The following FGFBP1 variants were observed in gnomAD, a reference collection of about 807,000 sequenced individuals.
The protein encoded by FGFBP1 is fibroblast growth factor-binding protein 1.
Under a neutral mutation model 14.6 loss-of-function variants are expected in FGFBP1, and 12 were observed. The observed-to-expected ratio is 0.82, with a 90% CI of 0.53 to 1.33. The LOEUF is 1.33. Ranked by LOEUF, FGFBP1 falls within the 40% of genes most tolerant of loss-of-function variation. The probability of loss-of-function intolerance (pLI) is 0.00; values close to 1 mark genes in which losing one functional copy is unlikely to be tolerated. For missense variants in FGFBP1, 317 were observed against 271.8 expected (o/e 1.17, Z -1.17); for synonymous variants, 117 against 105.0 (o/e 1.11, Z -0.70).
intron 2 of FGFBP1, 59 bp from the exon 3 acceptor site, chr4:15,936,711 C>T (rs1383030924): frequency 1.9e-6 from 2 of 1,039,640 alleles, no homozygotes; most frequent in Admixed American, 2.2e-5. Context: ...TGCAGGACTA[C>T]ACGCTGGCCT....
chr4:15,936,344 CA>C lies in FGFBP1; in HGVS notation c.288del (p.Phe96LeufsTer9), dbSNP rs1456342885. The stretch of plus-strand genomic sequence containing the variant: ...TTTAGGCATGAGGTTGGATTGCCAG[CA>C]AAGACACAGGAAAATTCATGGTCCA... ...TQLDHEFSCV[F>X]AGNPTSCLKL... is the part of the protein sequence containing the mutation. On this transcript the variant is annotated frameshift_variant, in exon 3 of 3. Transcript: ENST00000382333. LOFTEE classifies it high-confidence loss of function. 6.2e-7 allele frequency: 1 copy of C among 1,614,114 alleles called. No homozygotes were observed. Among genetic ancestry groups the C allele is most frequent in the African/African-American group, 1.3e-5 (1 of 74,938 alleles).
Position 15,935,880 on chromosome 4 carries a change from A to T in FGFBP1, c.*48T>A. On this transcript the variant is annotated 3_prime_UTR_variant, in exon 3 of 3. Transcript: ENST00000382333. The stretch of plus-strand genomic sequence containing the variant: ...AGAGAGCTTTAAAGTATACAGAGGG[A>T]CTTACGACATGACATCTCTTAAGGG... 8.0e-7 allele frequency: 1 copy of T among 1,257,204 alleles called. No homozygotes were observed. The highest frequency in any genetic ancestry group is 1.1e-6 in the Non-Finnish European group (1 of 893,834). 77.9% of individuals were successfully genotyped at this position (1,257,204 alleles called of 1,614,324 possible). A position where few individuals can be genotyped will look rare whatever the true frequency, so the allele number is the denominator to read the frequency against.
Position 15,936,647 on chromosome 4 carries a change from G to A in FGFBP1, c.-15C>T, listed in dbSNP as rs150538754. 9.2e-5 allele frequency: 146 copies of A among 1,579,030 alleles called. 1 individual carries two copies. The highest frequency in any genetic ancestry group is 4.0e-4 in the Middle Eastern group (2 of 4,980). On this transcript the variant is annotated 5_prime_UTR_variant, in exon 3 of 3. It adds an upstream start codon to the 5' untranslated region. Coordinates refer to ENST00000382333, the MANE Select transcript of FGFBP1 (RefSeq NM_005130.5). ...CAGATCTTCATGGCTGCAGCTGGGCGTTCACCTGTTTGACAAAAGGCAAGT... is the reference window on the plus strand; with the variant it reads ...CAGATCTTCATGGCTGCAGCTGGGCATTCACCTGTTTGACAAAAGGCAAGT...
Position 15,935,730 on chromosome 4 carries a change from C to T in FGFBP1, c.*198G>A. On this transcript the variant is annotated 3_prime_UTR_variant, in exon 3 of 3. Transcript: ENST00000382333. ...TGGAAATACATGCTGCAGGAAACAG[C>T]CTCTGAACATCGCATCCAAGAAAAA... 4.2e-6 allele frequency: 2 copies of T among 475,046 alleles called. No homozygotes were observed. The highest frequency in any genetic ancestry group is 4.9e-5 in the South Asian group (1 of 20,474). The allele number at this position is 475,046 out of a possible 1,614,324, so 29.4% of individuals were successfully genotyped here. A position where few individuals can be genotyped will look rare whatever the true frequency, so the allele number is the denominator to read the frequency against.
chr4:15,936,134 C>T lies in FGFBP1; in HGVS notation c.499G>A (p.Glu167Lys). The T allele has an allele frequency of 6.2e-7, 1 of 1,614,056 alleles. No homozygotes were observed. Reference sequence around the variant, plus strand: ...TTGATGTGCTCCCTGGGGGACATCTCTGTTTTCTCCTTCCTGGGCTTTGTG... The same window carrying T: ...TTGATGTGCTCCCTGGGGGACATCTTTGTTTTCTCCTTCCTGGGCTTTGTG... ...GNTKPRKEKT[E>K]MSPREHIKGK... Residue 167 changes from glutamate (E) to lysine (K), a missense_variant, in exon 3 of 3, where the codon GAG (glutamate) becomes AAG (lysine). Coordinates refer to ENST00000382333, the MANE Select transcript of FGFBP1 (RefSeq NM_005130.5).
chr4:15,935,943 C>T lies in FGFBP1; in HGVS notation c.690G>A (p.Gln230=), dbSNP rs201060039. The T allele has an allele frequency of 5.5e-5, 88 of 1,605,796 alleles. No individual in the cohort carries two copies. The highest frequency in any genetic ancestry group is 7.2e-5 in the Non-Finnish European group (85 of 1,175,674). ...TTTGACCTCATTAGCATGACGTGTC[C>T]TGCACTATGCTGAGGAAGAATGTGC... ...SLCTFFLSIV[Q]DTSC Residue 230 remains glutamine (Q), a synonymous_variant, in exon 3 of 3, where the codon CAG becomes CAA. Transcript: ENST00000382333.
chr4:15,938,644 T>C (rs1289060385), intron 1 of FGFBP1, 43 bp downstream of exon 1: 1 of 152,156 alleles, frequency 6.6e-6, no homozygotes, highest in Non-Finnish European at 1.5e-5. Flanking sequence ...AAAATAACTA[T>C]AATGACATGA....
intron 1 of FGFBP1, 32 bp from the exon 2 acceptor site, chr4:15,938,503 C>T (rs1334085051): frequency 6.6e-6 from 1 of 152,496 alleles, no homozygotes; most frequent in East Asian, 1.9e-4. Flanking sequence ...GGGGGGTTAC[C>T]TGCATGCCAT....
rs773162550 is a variant in FGFBP1 at position 15,936,165 on chromosome 4, A to G, written c.468T>C (p.Phe156=). The G allele has an allele frequency of 5.0e-6, 8 of 1,614,044 alleles. No individual in the cohort carries two copies. The African/African-American group carries it at 1.1e-4, about 22-fold the overall frequency. Residue 156 remains phenylalanine, a synonymous_variant, in exon 3 of 3, where the codon TTT becomes TTC. Coordinates refer to ENST00000382333, the MANE Select transcript of FGFBP1 (RefSeq NM_005130.5). The part of the protein sequence containing the change: ...SSLKLVSSTL[F]GNTKPRKEKT... The stretch of plus-strand genomic sequence containing the variant: ...TCTCCTTCCTGGGCTTTGTGTTCCC[A>G]AATAGAGTGGAGCTGACTAGCTTAA...
In FGFBP1 at chr4:15,936,257, T is replaced by A; in HGVS notation, c.376A>T (p.Ile126Phe). ...VARNLRSQKD[I>F]CRYSKTAVKT... Reference sequence around the variant, plus strand: ...ACAGCTGTCTTGGAATATCTACAGATGTCTTTCTGTGAGCGCAGATTCCGG... The same window carrying A: ...ACAGCTGTCTTGGAATATCTACAGAAGTCTTTCTGTGAGCGCAGATTCCGG... Residue 126 changes from isoleucine (I) to phenylalanine (F), a missense_variant, in exon 3 of 3, where the codon ATC (isoleucine) becomes TTC (phenylalanine). Ile to Phe is a conservative substitution (Grantham distance 21). Transcript: ENST00000382333. 1 of 1,614,168 alleles carries A rather than the reference T, an allele frequency of 6.2e-7. No homozygotes were observed. Among genetic ancestry groups the A allele is most frequent in the Non-Finnish European group, 8.5e-7 (1 of 1,179,998 alleles).
At chr4:15,936,845 C>T (rs902770849) in intron 2 of FGFBP1, among the ~76,000 whole-genome samples, 193 bp from the exon 3 acceptor site, 1 of 152,170 alleles carries the variant, frequency 6.6e-6, no homozygotes, top group Non-Finnish European at 1.5e-5. Flanking sequence ...TTGAGTGTCA[C>T]AAAAGTACCA....
chr4:15,936,239 T>A lies in FGFBP1; in HGVS notation c.394A>T (p.Thr132Ser), dbSNP rs148275786. Residue 132 changes from threonine to serine, a missense_variant, in exon 3 of 3, where the codon ACA (threonine) becomes TCA (serine). Thr to Ser is a moderately conservative substitution (Grantham distance 58, BLOSUM62 1). Transcript: ENST00000382333. The part of the protein sequence containing the change: ...SQKDICRYSK[T>S]AVKTRVCRKD... ...CTGCACACTCTGGTTTTCACAGCTG[T>A]CTTGGAATATCTACAGATGTCTTTC... The A allele has an allele frequency of 1.9e-6, 3 of 1,614,114 alleles. No homozygotes were observed. Among genetic ancestry groups the A allele is most frequent in the African/African-American group, 2.7e-5 (2 of 74,948 alleles).
intron 2 of FGFBP1, among the ~76,000 whole-genome samples, chr4:15,937,885 A>G (rs1712533913): frequency 6.6e-6 from 1 of 152,240 alleles, no homozygotes; most frequent in Admixed American, 6.5e-5. Flanking sequence ...AACAATGACA[A>G]TTTAGTTTCA....
At chr4:15,938,062 G>A (rs1421884051) in intron 2 of FGFBP1, among the ~76,000 whole-genome samples, 189 bp downstream of exon 2, 6 of 152,152 alleles carry the variant, frequency 3.9e-5, no homozygotes, top group Non-Finnish European at 7.3e-5. Flanking sequence ...ATCACAAAAG[G>A]GCAGAGAACA....
chr4:15,936,241 T>C lies in FGFBP1; in HGVS notation c.392A>G (p.Lys131Arg), dbSNP rs1472983875. 2 of 1,614,094 alleles carry C rather than the reference T, an allele frequency of 1.2e-6. No homozygotes were observed. Among genetic ancestry groups the C allele is most frequent in the African/African-American group, 1.3e-5 (1 of 74,934 alleles). ...GCACACTCTGGTTTTCACAGCTGTC[T>C]TGGAATATCTACAGATGTCTTTCTG... ...RSQKDICRYS[K>R]TAVKTRVCRK... The change falls in exon 3 of 3, where the codon AAG (lysine) becomes AGG (arginine). Residue 131 changes from lysine to arginine, a missense_variant. Coordinates refer to ENST00000382333, the MANE Select transcript of FGFBP1 (RefSeq NM_005130.5).
intron 2 of FGFBP1, among the ~76,000 whole-genome samples, chr4:15,937,217 G>A (rs1577692664): frequency 7.4e-6 from 1 of 134,626 alleles, no homozygotes; most frequent in South Asian, 2.4e-4. Flanking sequence ...CATGACAGAT[G>A]CCCAAAATGA....
chr4:15,936,784 G>A (rs879343942), intron 2 of FGFBP1, 132 bp from the exon 3 acceptor site: 8 of 591,012 alleles, frequency 1.4e-5, no homozygotes, highest in Non-Finnish European at 2.4e-5. Context: ...CTGGCTCCTG[G>A]AGTCACTAGA....
chr4:15,937,299 TGGGTGGGGTTGTGG>T (rs1337665535), intron 2 of FGFBP1, among the ~76,000 whole-genome samples: 1 of 2,628 alleles, frequency 3.8e-4, no homozygotes, highest in East Asian at 0.016. Flanking sequence ...TTGGGTGGGG[TGGGTGGGGTTGTGG>T]GGGTGGGGGA....
rs1712470999 is a variant in FGFBP1, at chr4:15,936,093, G to A, written c.540C>T (p.Thr180=). 6.2e-7 allele frequency: 1 copy of A among 1,614,064 alleles called. No homozygotes were observed. The change falls in exon 3 of 3, where the codon ACC becomes ACT. Residue 180 remains threonine, a synonymous_variant. Transcript: ENST00000382333. ...PREHIKGKET[T]PSSLAVTQTM... The stretch of plus-strand genomic sequence containing the variant: ...TCTGGGTCACTGCTAGGCTAGAGGG[G>A]GTGGTCTCTTTGCCTTTGATGTGCT...
Sources: gnomAD v4.1 joint callset for allele counts (sites outside exome capture counted in the v4.1 genomes callset) on GRCh38, gnomAD v4.1.1 for gene constraint, MANE v1.5 for transcripts, NCBI Gene and HGNC (gene_info 2026-07-23, HGNC 2026-07-21) for gene names.